The following EEFSEC variants were observed in gnomAD, a reference collection of about 807,000 sequenced individuals.
EEFSEC encodes selenocysteine-specific elongation factor.
EEFSEC carries 43 observed loss-of-function variants against 42.1 expected under a neutral mutation model. The ratio of observed to expected loss-of-function variants is 1.02; its 90% CI spans 0.80 to 1.32. The LOEUF (loss-of-function observed/expected upper bound fraction) is 1.32, where lower values mean the gene tolerates loss of function less well. Among genes scored for constraint, EEFSEC ranks in the 40% most tolerant of loss-of-function variants. The probability of loss-of-function intolerance (pLI) is 0.00; values close to 1 mark genes in which losing one functional copy is unlikely to be tolerated. For synonymous variants in EEFSEC, 354 were observed against 339.1 expected (o/e 1.04, Z -0.48); for missense variants, 745 against 803.6 (o/e 0.93, Z 0.88).
chr3:128,197,086 C>T (rs1479265869), intron 1 of EEFSEC, among the ~76,000 whole-genome samples: 2 of 152,132 alleles, frequency 1.3e-5, no homozygotes, highest in African/African-American at 2.4e-5. Context: ...TGCTTTACAT[C>T]GTTTTTGCAG....
At chr3:128,364,021 G>A (rs2067559434) in intron 6 of EEFSEC, among the ~76,000 whole-genome samples, 1 of 152,188 alleles carries the variant, frequency 6.6e-6, no homozygotes, top group Non-Finnish European at 1.5e-5. Context: ...AAGGGGGCCA[G>A]GCACAGTGGC....
intron 6 of EEFSEC, among the ~76,000 whole-genome samples, chr3:128,402,085 G>A (rs1487591785): frequency 6.6e-6 from 1 of 152,212 alleles, no homozygotes; most frequent in African/African-American, 2.4e-5. Flanking sequence ...CCAGCTGGAT[G>A]CCGGAGGCCA....
At chr3:128,424,333 T>C in the EEFSEC span, among the ~76,000 whole-genome samples, 2 of 152,206 alleles carry the variant, frequency 1.3e-5, no homozygotes, top group Admixed American at 6.5e-5. Flanking sequence ...TTGTTGTTTT[T>C]AATTATTGTA....
At chr3:128,200,805 A>C (rs1456401682) in intron 1 of EEFSEC, among the ~76,000 whole-genome samples, 1 of 152,228 alleles carries the variant, frequency 6.6e-6, no homozygotes, top group Non-Finnish European at 1.5e-5. Flanking sequence ...GTTTTACACC[A>C]CCCAGATTGT....
chr3:128,220,282 A>C (rs533510579), intron 1 of EEFSEC, among the ~76,000 whole-genome samples: 2 of 152,238 alleles, frequency 1.3e-5, no homozygotes, highest in Non-Finnish European at 2.9e-5. Flanking sequence ...TGAATTGAAC[A>C]CTTTGCTTCT....
At chr3:128,226,095 G>T (rs1017613403) in intron 1 of EEFSEC, among the ~76,000 whole-genome samples, 1 of 152,252 alleles carries the variant, frequency 6.6e-6, no homozygotes, top group African/African-American at 2.4e-5. Flanking sequence ...TTGCCAGCAA[G>T]TGTGCTGAGA....
At chr3:128,241,811 A>C (rs2066074331) in intron 1 of EEFSEC, among the ~76,000 whole-genome samples, 1 of 152,246 alleles carries the variant, frequency 6.6e-6, no homozygotes, top group African/African-American at 2.4e-5. Flanking sequence ...AATTGTTTAC[A>C]TATCTGATCT....
At chr3:128,353,915 C>A (rs144020678) in intron 5 of EEFSEC, among the ~76,000 whole-genome samples, 28 of 152,340 alleles carry the variant, frequency 1.8e-4, no homozygotes, top group African/African-American at 5.8e-4. Context: ...CGCTCACCTG[C>A]TGCTGGGAAA....
chr3:128,163,948 A>AAC (rs1047433881), intron 1 of EEFSEC, among the ~76,000 whole-genome samples: 12 of 151,452 alleles, frequency 7.9e-5, no homozygotes, highest in South Asian at 2.1e-4. Flanking sequence ...GAAAAAAAAA[A>AAC]AAAACAAAAC....
chr3:128,247,527 G>A (rs1406923631), intron 2 of EEFSEC, among the ~76,000 whole-genome samples: 2 of 152,224 alleles, frequency 1.3e-5, no homozygotes, highest in Non-Finnish European at 2.9e-5. Flanking sequence ...ATGACTGGTT[G>A]TTTCTGTTAC....
chr3:128,326,461 A>C (rs2067064662), intron 4 of EEFSEC, among the ~76,000 whole-genome samples: 1 of 152,202 alleles, frequency 6.6e-6, no homozygotes, highest in African/African-American at 2.4e-5. Flanking sequence ...TTACCTCAGC[A>C]AGGAGCACCT....
intron 1 of EEFSEC, among the ~76,000 whole-genome samples, chr3:128,200,674 A>G (rs2065634605): frequency 3.3e-5 from 5 of 152,200 alleles, no homozygotes; most frequent in African/African-American, 9.7e-5. Context: ...AGCTGAAACG[A>G]TGGGGAGAAT....
chr3:128,187,137 C>T (rs573469191), intron 1 of EEFSEC, among the ~76,000 whole-genome samples: 18 of 152,318 alleles, frequency 1.2e-4, no homozygotes, highest in African/African-American at 4.3e-4. Flanking sequence ...CAGCAAGTCT[C>T]CCATCTCTGA....
At chr3:128,160,166 G>T (rs2065166398) in intron 1 of EEFSEC, among the ~76,000 whole-genome samples, 1 of 152,258 alleles carries the variant, frequency 6.6e-6, no homozygotes, top group South Asian at 2.1e-4. Flanking sequence ...GAATTATGCA[G>T]GTTGGTTCTT....
At chr3:128,249,473 A>T (rs772404306) in intron 2 of EEFSEC, among the ~76,000 whole-genome samples, 1 of 152,192 alleles carries the variant, frequency 6.6e-6, no homozygotes. Flanking sequence ...ATGTAAGTGT[A>T]TAATTCAGAG....
At chr3:128,313,810 A>G (rs2066915778) in intron 4 of EEFSEC, among the ~76,000 whole-genome samples, 1 of 152,234 alleles carries the variant, frequency 6.6e-6, no homozygotes, top group Non-Finnish European at 1.5e-5. Context: ...AGATGGTTAA[A>G]AAGGCAAAAG....
At chr3:128,407,106 C>T (rs1219641685) in intron 6 of EEFSEC, among the ~76,000 whole-genome samples, 4 of 152,100 alleles carry the variant, frequency 2.6e-5, no homozygotes, top group South Asian at 2.1e-4. Flanking sequence ...GCTGCAGAGA[C>T]GGTGCACAAA....
chr3:128,294,922 A>G (rs758370141), intron 4 of EEFSEC, among the ~76,000 whole-genome samples: 8 of 152,286 alleles, frequency 5.3e-5, no homozygotes, highest in East Asian at 3.9e-4. Flanking sequence ...TGAACTATCA[A>G]TCTCTTGCAT....
intron 4 of EEFSEC, among the ~76,000 whole-genome samples, chr3:128,270,650 A>G (rs923034288): frequency 6.6e-6 from 1 of 152,218 alleles, no homozygotes; most frequent in African/African-American, 2.4e-5. Flanking sequence ...TGACATCTGG[A>G]AAGAATCCAT....
Sources: allele counts gnomAD v4.1 joint callset (sites outside exome capture counted in the v4.1 genomes callset), GRCh38; gene constraint gnomAD v4.1.1; transcripts MANE v1.5; gene names NCBI Gene and HGNC (gene_info 2026-07-23, HGNC 2026-07-21).